The following ST14 variants were observed in gnomAD, a reference collection of about 807,000 sequenced individuals.
ST14 encodes suppressor of tumorigenicity 14 protein.
A neutral mutation model predicts 96.5 loss-of-function variants in ST14; 40 were observed. That is an observed-to-expected ratio of 0.41 (90% CI 0.32 to 0.54). The LOEUF (loss-of-function observed/expected upper bound fraction) is 0.54. ST14 is among the 20% of genes least tolerant of loss of function. The probability of loss-of-function intolerance (pLI) is 0.17; values close to 1 mark genes in which losing one functional copy is unlikely to be tolerated. For synonymous variants in ST14, 506 were observed against 492.1 expected (o/e 1.03, Z -0.37); for missense variants, 1,066 against 1,188.9 (o/e 0.90, Z 1.52).
intron 1 of ST14, among the ~76,000 whole-genome samples, chr11:130,170,586 G>A (rs368333716): frequency 1.3e-5 from 2 of 152,124 alleles, no homozygotes; most frequent in African/African-American, 4.8e-5. Context: ...CCTGTGTGCT[G>A]GAGGGCAGGC....
At chr11:130,182,774 C>G (rs1953204955) in intron 1 of ST14, among the ~76,000 whole-genome samples, 1 of 151,518 alleles carries the variant, frequency 6.6e-6, no homozygotes. Context: ...TTCAGCCTCC[C>G]GAATAGCTGG....
At chr11:130,180,272 T>C (rs1392151162) in intron 1 of ST14, among the ~76,000 whole-genome samples, 1 of 152,202 alleles carries the variant, frequency 6.6e-6, no homozygotes, top group East Asian at 1.9e-4. Context: ...CATTGTCATG[T>C]GACTGCCCTT....
chr11:130,190,349 C>T (rs747140329), intron 6 of ST14, 105 bp from the exon 7 acceptor site: 74 of 1,566,852 alleles, frequency 4.7e-5, no homozygotes, highest in Non-Finnish European at 5.8e-5. Flanking sequence ...TGGGGCGTCT[C>T]GAAGGGGCGA....
chr11:130,176,868 G>A (rs1373094861), intron 1 of ST14, among the ~76,000 whole-genome samples: 2 of 136,170 alleles, frequency 1.5e-5, no homozygotes, highest in Non-Finnish European at 3.0e-5. Context: ...GCATGATCTC[G>A]GTTCACTGCA....
rs1953532369 is a variant in ST14 at position 130,209,791 on chromosome 11, C to T, written c.2536C>T (p.Arg846Trp). The change falls in exon 19 of 19, where the codon CGG (arginine) becomes TGG (tryptophan). Residue 846 changes from arginine to tryptophan, a missense_variant. Physicochemically the swap from Arg to Trp is moderately radical, Grantham distance 101. Transcript: ENST00000278742. ...PGVYTRLPLFRDWIKENTGV is the reference protein window; with the variant it reads ...PGVYTRLPLFWDWIKENTGV ...CGTGTACACAAGGCTCCCTCTGTTT[C>T]GGGACTGGATCAAAGAGAACACTGG... is the stretch of plus-strand genomic sequence containing the variant. The T allele has an allele frequency of 1.2e-6, 2 of 1,614,054 alleles. No individual in the cohort carries two copies. The highest frequency in any genetic ancestry group is 1.7e-6 in the Non-Finnish European group (2 of 1,180,028).
At chr11:130,161,242 T>C (rs913895235) in intron 1 of ST14, among the ~76,000 whole-genome samples, 1 of 152,354 alleles carries the variant, frequency 6.6e-6, no homozygotes, top group Middle Eastern at 3.4e-3. Context: ...AAGCTTCCAG[T>C]GGACCTGAAG....
At chr11:130,183,082 G>A (rs12795266) in intron 1 of ST14, among the ~76,000 whole-genome samples, 18 of 151,446 alleles carry the variant, frequency 1.2e-4, no homozygotes, top group Middle Eastern at 3.4e-3. Context: ...TCAGCCCCCC[G>A]AGTAGCTGGG....
Position 130,210,054 on chromosome 11 carries a change from A to G in ST14, c.*231A>G. 1.7e-6 allele frequency: 1 copy of G among 576,340 alleles called. No individual in the cohort carries two copies. The highest frequency in any genetic ancestry group is 3.1e-5 in the East Asian group (1 of 32,698). 35.7% of individuals were successfully genotyped at this position (576,340 alleles called of 1,614,324 possible). A position where few individuals can be genotyped will look rare whatever the true frequency, so the allele number is the denominator to read the frequency against. On this transcript the variant is annotated 3_prime_UTR_variant, in exon 19 of 19. Coordinates refer to ENST00000278742, the MANE Select transcript of ST14 (RefSeq NM_021978.4). ...GGACACTGGTGGTTCTACTGACCCA[A>G]CTGGGGGCAAAGGTTTGAAGACACA...
At chr11:130,177,996 G>T (rs1265591095) in intron 1 of ST14, among the ~76,000 whole-genome samples, 2 of 152,176 alleles carry the variant, frequency 1.3e-5, no homozygotes, top group Non-Finnish European at 2.9e-5. Context: ...GGCGCGAGCC[G>T]CATGGAGTTC....
rs547180834 is a variant in ST14, at chr11:130,194,508, T to C, written c.1016-132T>C. The C allele has an allele frequency of 1.8e-4, 208 of 1,161,262 alleles. No homozygotes were observed. In the African/African-American group the frequency reaches 3.0e-3, roughly 17 times the overall value. 71.9% of individuals were successfully genotyped at this position (1,161,262 alleles called of 1,614,324 possible). A position where few individuals can be genotyped will look rare whatever the true frequency, so the allele number is the denominator to read the frequency against. On this transcript the variant is annotated intron_variant, in intron 8 of 18. Coordinates refer to ENST00000278742, the MANE Select transcript of ST14 (RefSeq NM_021978.4). ...TTCGGCACCCGGCACCTGGCCTTCC[T>C]GGCTGTGCACCTGCTGTGCAGCATC...
chr11:130,190,875 G>T (rs563268126), intron 7 of ST14, among the ~76,000 whole-genome samples, 181 bp downstream of exon 7: 3 of 152,356 alleles, frequency 2.0e-5, no homozygotes, highest in African/African-American at 7.2e-5. Flanking sequence ...GAGTCTGGGA[G>T]GTGATTTTTC....
chr11:130,188,370 A>G lies in ST14; in HGVS notation c.241+97A>G, dbSNP rs1165748294. On this transcript the variant is annotated intron_variant, in intron 2 of 18. Coordinates refer to ENST00000278742, the MANE Select transcript of ST14 (RefSeq NM_021978.4). The surrounding 1 kb of genome is among the most constrained non-coding windows in gnomAD (Gnocchi z 5.4). ...CCCAGGGCCACCTACTGAGTACACGAGGATCTCTTGGCCTCTCTGGAACCC... is the reference window on the plus strand; with the variant it reads ...CCCAGGGCCACCTACTGAGTACACGGGGATCTCTTGGCCTCTCTGGAACCC... 2.5e-6 allele frequency: 4 copies of G among 1,581,848 alleles called. No individual in the cohort carries two copies. The African/African-American group carries it at 5.4e-5, about 21-fold the overall frequency.
chr11:130,199,207 A>G (rs943387419), intron 15 of ST14, 138 bp downstream of exon 15: 55 of 1,005,946 alleles, frequency 5.5e-5, no homozygotes, highest in Admixed American at 8.2e-5. Context: ...TGTCTCCTGG[A>G]GGAAAGGATA....
At chr11:130,190,016 A>G in intron 5 of ST14, 97 bp from the exon 6 acceptor site, 1 of 1,610,260 alleles carries the variant, frequency 6.2e-7, no homozygotes, top group Non-Finnish European at 8.5e-7. Flanking sequence ...AGAGAAGACT[A>G]CGTGCTGGCC....
chr11:130,159,877 G>A lies in ST14; in HGVS notation c.-103G>A, dbSNP rs1441942233. On this transcript the variant is annotated 5_prime_UTR_variant, in exon 1 of 19. Transcript: ENST00000278742. ...CCGGTCGGGCGCGCTGGGCCTGCCC[G>A]GAATCCCGCCGCCTGCGCCCCGCGC... The A allele has an allele frequency of 3.1e-5, 19 of 610,330 alleles. No homozygotes were observed. The highest frequency in any genetic ancestry group is 4.3e-5 in the Non-Finnish European group (19 of 441,686). 37.8% of individuals were successfully genotyped at this position (610,330 alleles called of 1,614,324 possible).
intron 1 of ST14, among the ~76,000 whole-genome samples, chr11:130,182,736 G>A (rs371772313): frequency 8.1e-5 from 12 of 148,348 alleles, no homozygotes; most frequent in Admixed American, 2.7e-4. Flanking sequence ...TGCAATCTCC[G>A]CCTCCCAGGT....
In ST14 at chr11:130,208,434, G is replaced by C. The variant is rs748453271; in HGVS notation, c.2019G>C (p.Thr673=). The stretch of plus-strand genomic sequence containing the variant: ...GGTACTCAGACCCCACGCAGTGGAC[G>C]GCCTTCCTGGGCTTGCACGACCAGA... The part of the protein sequence containing the change: ...GFRYSDPTQW[T]AFLGLHDQSQ... The change falls in exon 17 of 19, where the codon ACG becomes ACC. Residue 673 remains threonine, a synonymous_variant. Transcript: ENST00000278742. 1 of 1,614,090 alleles carries C rather than the reference G, an allele frequency of 6.2e-7. No homozygotes were observed. The highest frequency in any genetic ancestry group is 1.1e-5 in the South Asian group (1 of 91,088).
rs976360901 is a variant in ST14 at position 130,187,989 on chromosome 11, C to T, written c.82-125C>T. The T allele has an allele frequency of 3.4e-5, 47 of 1,371,120 alleles. 1 individual carries two copies. In the South Asian group the frequency reaches 5.6e-4, roughly 16 times the overall value. 84.9% of individuals were successfully genotyped at this position (1,371,120 alleles called of 1,614,324 possible). A position where few individuals can be genotyped will look rare whatever the true frequency, so the allele number is the denominator to read the frequency against. ...CCATGCCTCTGGGGGAAGCCCCCTTCTTCTCACCCAAGCCCCTGCTTTCTT... is the reference window on the plus strand; with the variant it reads ...CCATGCCTCTGGGGGAAGCCCCCTTTTTCTCACCCAAGCCCCTGCTTTCTT... On this transcript the variant is annotated intron_variant, in intron 1 of 18. Transcript: ENST00000278742. The surrounding 1 kb of genome is among the most constrained non-coding windows in gnomAD (Gnocchi z 4.5).
chr11:130,204,877 T>A (rs1953470657), intron 16 of ST14, among the ~76,000 whole-genome samples: 1 of 151,822 alleles, frequency 6.6e-6, no homozygotes, highest in Non-Finnish European at 1.5e-5. Context: ...AGGGCTCGGG[T>A]GGGCACGCGA....
Sources: allele counts gnomAD v4.1 joint callset (sites outside exome capture counted in the v4.1 genomes callset), GRCh38; gene constraint gnomAD v4.1.1; non-coding constraint Gnocchi (gnomAD v3.1); transcripts MANE v1.5; gene names NCBI Gene and HGNC (gene_info 2026-07-23, HGNC 2026-07-21).